Variants in VANGL2 observed in about 807,000 individuals in gnomAD.
VANGL2 encodes the protein vang-like protein 2.
In VANGL2, 14 loss-of-function variants were observed where a neutral mutation model predicts 50.2. The ratio of observed to expected loss-of-function variants is 0.28; its 90% CI spans 0.18 to 0.44. The LOEUF is 0.44. Among genes scored for constraint, VANGL2 ranks in the 20% least tolerant of loss-of-function variants. VANGL2 has a pLI of 1.00. For synonymous variants in VANGL2, 295 were observed against 297.2 expected (o/e 0.99, Z 0.08); for missense variants, 533 against 701.5 (o/e 0.76, Z 2.71).
At chr1:160,412,679 G>A (rs979972914) in intron 1 of VANGL2, among the ~76,000 whole-genome samples, 1 of 152,152 alleles carries the variant, frequency 6.6e-6, no homozygotes, top group African/African-American at 2.4e-5. Flanking sequence ...TGGGGATACT[G>A]ACAAATATAA....
chr1:160,407,233 G>C (rs558456604), intron 1 of VANGL2, among the ~76,000 whole-genome samples: 1 of 152,300 alleles, frequency 6.6e-6, no homozygotes, highest in East Asian at 1.9e-4. Flanking sequence ...TCAGGTAGGG[G>C]GGTGGTCGCG....
Position 160,419,993 on chromosome 1 carries a change from A to G in VANGL2, c.800+384A>G, listed in dbSNP as rs772471300. On this transcript the variant is annotated intron_variant, in intron 4 of 7. Coordinates refer to ENST00000368061, the MANE Select transcript of VANGL2 (RefSeq NM_020335.3). This position sits in a 1 kb window ranked among gnomAD's most constrained non-coding sequence, Gnocchi z 5.8. The stretch of plus-strand genomic sequence containing the variant: ...TTGTGAGCACTCAGAGTGGCCTGTG[A>G]AGTGACCTGGCCAGAGGAGGGATCC... Among the ~76,000 whole-genome samples the G allele has an allele frequency of 9.2e-5, 14 of 152,046 alleles. No individual in the cohort carries two copies. Among genetic ancestry groups the G allele is most frequent in the Non-Finnish European group, 1.9e-4 (13 of 67,994 alleles).
chr1:160,403,969 T>C (rs1375829713), intron 1 of VANGL2, among the ~76,000 whole-genome samples: 1 of 152,152 alleles, frequency 6.6e-6, no homozygotes, highest in Non-Finnish European at 1.5e-5. Context: ...ACCTGTAAAA[T>C]GGAATTAATA....
intron 1 of VANGL2, among the ~76,000 whole-genome samples, chr1:160,410,330 A>G (rs914007102): frequency 1.3e-5 from 2 of 151,974 alleles, no homozygotes; most frequent in Non-Finnish European, 2.9e-5. Context: ...TTTTAGGTAC[A>G]TGTTTTGCTC....
chr1:160,406,551 GCCA>G lies in VANGL2; in HGVS notation c.-191+5686_-191+5688del, dbSNP rs540367729. 3.2e-4 allele frequency among the ~76,000 whole-genome samples: 49 copies of G among 152,248 alleles called. No homozygotes were observed. The East Asian group carries it at 8.7e-3, about 27-fold the overall frequency. On this transcript the variant is annotated intron_variant, in intron 1 of 7. Coordinates refer to ENST00000368061, the MANE Select transcript of VANGL2 (RefSeq NM_020335.3). The stretch of plus-strand genomic sequence containing the variant: ...GGTAAAGGAGTGACTGTAGGCTCCG[GCCA>G]CCATGGCCCGTGGGGTCTTGTTTGT...
At chr1:160,409,559 T>G (rs1370186483) in intron 1 of VANGL2, among the ~76,000 whole-genome samples, 1 of 152,178 alleles carries the variant, frequency 6.6e-6, no homozygotes, top group East Asian at 1.9e-4. Context: ...GTCTGCATTT[T>G]CAACCCACAC....
At chr1:160,404,662 C>T (rs778699731) in intron 1 of VANGL2, among the ~76,000 whole-genome samples, 28 of 152,232 alleles carry the variant, frequency 1.8e-4, no homozygotes, top group Non-Finnish European at 3.1e-4. Context: ...TGATAGAATG[C>T]ATGACCTTTT....
chr1:160,418,729 G>A (rs1213862535), intron 3 of VANGL2, among the ~76,000 whole-genome samples: 1 of 152,130 alleles, frequency 6.6e-6, no homozygotes, highest in Non-Finnish European at 1.5e-5. Flanking sequence ...CCGCATGTGT[G>A]GTTTTTTCCT....
At chr1:160,411,441 C>A (rs1650877333) in intron 1 of VANGL2, among the ~76,000 whole-genome samples, 3 of 151,806 alleles carry the variant, frequency 2.0e-5, no homozygotes, top group Admixed American at 6.6e-5. Flanking sequence ...GGGGACCCTC[C>A]AAACCCCTGA....
At chr1:160,417,908 ATTTT>A (rs4017836) in intron 3 of VANGL2, among the ~76,000 whole-genome samples, 4 of 130,128 alleles carry the variant, frequency 3.1e-5, no homozygotes, top group Admixed American at 1.6e-4. Flanking sequence ...GACTTCCATA[ATTTT>A]TTTTTTTTTT....
intron 1 of VANGL2, among the ~76,000 whole-genome samples, chr1:160,413,174 G>C (rs778213816): frequency 1.1e-4 from 16 of 152,192 alleles, no homozygotes; most frequent in Admixed American, 2.0e-4. Flanking sequence ...CTGTGCCCAT[G>C]GGAGGCGAGA....
chr1:160,401,077 A>AC lies in VANGL2; in HGVS notation c.-191+216dup, dbSNP rs11349338. On this transcript the variant is annotated intron_variant, in intron 1 of 7. Transcript: ENST00000368061. The stretch of plus-strand genomic sequence containing the variant: ...CCGCTTCCCCACTGCACAGCGGAGT[A>AC]CCCCCCCCAACTTTGGGGAGGGGAA... Among the ~76,000 whole-genome samples the AC allele has an allele frequency of 4.6e-3, 699 of 150,934 alleles. 9 individuals are homozygous for AC. The highest frequency in any genetic ancestry group is 0.035 in the East Asian group (176 of 5,034).
chr1:160,403,546 G>A (rs759498705), intron 1 of VANGL2, among the ~76,000 whole-genome samples: 1 of 152,132 alleles, frequency 6.6e-6, no homozygotes, highest in Non-Finnish European at 1.5e-5. Flanking sequence ...CCTAGAGCAG[G>A]ACAGTTTTTT....
At chr1:160,414,769 G>A (rs1650994762) in intron 1 of VANGL2, among the ~76,000 whole-genome samples, 1 of 150,834 alleles carries the variant, frequency 6.6e-6, no homozygotes, top group Non-Finnish European at 1.5e-5. Context: ...GGGTCAGCAG[G>A]GAAGATAACA....
At chr1:160,401,590 A>G (rs1650466227) in intron 1 of VANGL2, among the ~76,000 whole-genome samples, 1 of 151,898 alleles carries the variant, frequency 6.6e-6, no homozygotes, top group South Asian at 2.1e-4. Flanking sequence ...GACGTGCTGC[A>G]TGTTCCTGCA....
Position 160,424,083 on chromosome 1 carries a change from C to G in VANGL2, c.1105C>G (p.His369Asp), listed in dbSNP as rs779933109. The change falls in exon 7 of 8, where the codon CAC (histidine) becomes GAC (aspartate). Residue 369 changes from histidine to aspartate, a missense_variant. Coordinates refer to ENST00000368061, the MANE Select transcript of VANGL2 (RefSeq NM_020335.3). The stretch of plus-strand genomic sequence containing the variant: ...AGTGGCGGTGGAGGAGGCCTTCACT[C>G]ACATTAAGCGGCTGCAGGAAGAGGA... Reference protein sequence around the residue: ...LVVAVEEAFTHIKRLQEEEQK... With the variant: ...LVVAVEEAFTDIKRLQEEEQK... 8.7e-6 allele frequency: 14 copies of G among 1,613,898 alleles called. No individual in the cohort carries two copies. The highest frequency in any genetic ancestry group is 1.7e-6 in the Non-Finnish European group (2 of 1,179,902).
chr1:160,405,687 C>T (rs1650635206), intron 1 of VANGL2, among the ~76,000 whole-genome samples: 1 of 151,852 alleles, frequency 6.6e-6, no homozygotes, highest in African/African-American at 2.4e-5. Context: ...GGCCTCCTTC[C>T]CCTGCCGCTC....
chr1:160,416,065 C>T lies in VANGL2; in HGVS notation c.75C>T (p.Asp25=). The change falls in exon 3 of 8, where the codon GAC becomes GAT. Residue 25 remains aspartate, a synonymous_variant. Transcript: ENST00000368061. ...CTTTTCTGGCTTCCTGCCGCAGGGA[C>T]CGCCGGGACCGACACCGCTCTAAGA... ...GHSRSSRKHR[D]RRDRHRSKSR... 6.2e-7 allele frequency: 1 copy of T among 1,614,230 alleles called. No individual in the cohort carries two copies. Among genetic ancestry groups the T allele is most frequent in the Non-Finnish European group, 8.5e-7 (1 of 1,180,038 alleles).
At chr1:160,422,799 C>A (rs1651316509) in intron 6 of VANGL2, among the ~76,000 whole-genome samples, 1 of 152,066 alleles carries the variant, frequency 6.6e-6, no homozygotes, top group Admixed American at 6.6e-5. Context: ...TTTAGGCATC[C>A]TGTTGAGTGT....
Sources: gnomAD v4.1 joint callset for allele counts (sites outside exome capture counted in the v4.1 genomes callset) on GRCh38, gnomAD v4.1.1 for gene constraint, Gnocchi (gnomAD v3.1) non-coding constraint, MANE v1.5 for transcripts, NCBI Gene and HGNC (gene_info 2026-07-23, HGNC 2026-07-21) for gene names.